PPP6R2: variants seen among roughly 807,000 people sequenced by gnomAD.
PPP6R2 encodes protein phosphatase 6 regulatory subunit 2.
A neutral mutation model predicts 100.2 loss-of-function variants in PPP6R2; 62 were observed. The observed-to-expected ratio is 0.62, with a 90% CI of 0.50 to 0.76. PPP6R2 has a LOEUF of 0.76. PPP6R2 is among the 30% of genes least tolerant of loss of function. The pLI, the probability that PPP6R2 is intolerant of heterozygous loss-of-function variation, is 0.00. For missense variants in PPP6R2, 1,142 were observed against 1,276.3 expected (o/e 0.89, Z 1.60); for synonymous variants, 525 against 514.7 (o/e 1.02, Z -0.27).
intron 7 of PPP6R2, 83 bp downstream of exon 7, chr22:50,419,062 G>C: frequency 1.8e-6 from 2 of 1,111,922 alleles, no homozygotes; most frequent in Non-Finnish European, 2.7e-6. Context: ...TGAGCACCAG[G>C]ATATGTTGCC....
chr22:50,378,662 G>A (rs545015403), intron 2 of PPP6R2, among the ~76,000 whole-genome samples: 12 of 150,634 alleles, frequency 8.0e-5, no homozygotes, highest in African/African-American at 2.9e-4. Context: ...CAATGCAATA[G>A]TTTTAAGAGG....
intron 1 of PPP6R2, among the ~76,000 whole-genome samples, chr22:50,370,896 T>C (rs2050062007): frequency 2.0e-5 from 3 of 152,146 alleles, no homozygotes; most frequent in Admixed American, 1.3e-4. Context: ...CCTCCCAAAG[T>C]GTTGGGATTA....
intron 3 of PPP6R2, among the ~76,000 whole-genome samples, chr22:50,398,890 C>T (rs905946192): frequency 1.8e-4 from 28 of 152,218 alleles, no homozygotes; most frequent in African/African-American, 6.3e-4. Context: ...CTTCCTTCTT[C>T]AGTCTGTCTG....
chr22:50,340,895 T>C (rs2042363836), upstream of PPP6R2, among the ~76,000 whole-genome samples: 1 of 151,818 alleles, frequency 6.6e-6, no homozygotes, highest in African/African-American at 2.4e-5. Flanking sequence ...AGGGAAGATG[T>C]GATGTGACCT....
upstream of PPP6R2, among the ~76,000 whole-genome samples, chr22:50,340,597 T>TGGG (rs1371562158): frequency 9.0e-6 from 1 of 110,718 alleles, no homozygotes; most frequent in African/African-American, 4.6e-5. Context: ...GGTGTGTGTG[T>TGGG]GTGGTGTGTG....
intron 11 of PPP6R2, 34 bp from the exon 12 acceptor site, chr22:50,432,231 C>G (rs954934189): frequency 6.5e-6 from 10 of 1,540,306 alleles, no homozygotes; most frequent in South Asian, 1.2e-5. Context: ...CCTTCAGACC[C>G]TGACTCACGC....
At chr22:50,352,392 T>C (rs1240398933) in intron 1 of PPP6R2, among the ~76,000 whole-genome samples, 1 of 152,206 alleles carries the variant, frequency 6.6e-6, no homozygotes, top group Non-Finnish European at 1.5e-5. Context: ...GGCCTTACTG[T>C]AGACTATTTA....
chr22:50,426,999 C>G (rs1277825112), intron 10 of PPP6R2, among the ~76,000 whole-genome samples: 2 of 151,678 alleles, frequency 1.3e-5, no homozygotes, highest in African/African-American at 2.4e-5. Flanking sequence ...CCATCCTGGC[C>G]AACATAGTGA....
intron 3 of PPP6R2, 21 bp from the exon 4 acceptor site, chr22:50,406,668 G>A (rs1198850454): frequency 6.2e-7 from 1 of 1,606,296 alleles, no homozygotes; most frequent in East Asian, 2.2e-5. Context: ...CACCTCCAGT[G>A]CTTGGACTGT....
At chr22:50,440,089 G>A in intron 21 of PPP6R2, 40 bp downstream of exon 21, 1 of 1,559,712 alleles carries the variant, frequency 6.4e-7, no homozygotes, top group Non-Finnish European at 8.8e-7. Context: ...GCCTTGCCCA[G>A]TTTAAGGCCT....
intron 1 of PPP6R2, among the ~76,000 whole-genome samples, chr22:50,351,502 C>T (rs371610043): frequency 6.6e-6 from 1 of 151,610 alleles, no homozygotes; most frequent in Non-Finnish European, 1.5e-5. Flanking sequence ...ATGGCACCTT[C>T]TTCCAATAGA....
chr22:50,359,364 GC>G (rs1281106714), intron 1 of PPP6R2, among the ~76,000 whole-genome samples: 1 of 151,788 alleles, frequency 6.6e-6, no homozygotes, highest in East Asian at 1.9e-4. Flanking sequence ...GACTACAGGC[GC>G]CCACCACCGC....
chr22:50,439,846 A>G lies in PPP6R2; in HGVS notation c.2274A>G (p.Gln758=), dbSNP rs3197201. The G allele has an allele frequency of 1.5e-3, 2,467 of 1,613,012 alleles. 72 individuals carry two copies. The East Asian group carries it at 0.053, about 35-fold the overall frequency. Residue 758 remains glutamine (Q), a synonymous_variant, in exon 20 of 24, where the codon CAA becomes CAG. Coordinates refer to ENST00000612753, the MANE Select transcript of PPP6R2 (RefSeq NM_001242898.2). ...EKGWAKFTDF[Q]PFCCSESGPR... is the part of the protein sequence containing the mutation. ...GCTGGGCCAAGTTCACTGACTTCCA[A>G]CCTTTCTGCTGGTAACAAATGCGCT...
chr22:50,438,237 G>A lies in PPP6R2; in HGVS notation c.1903G>A (p.Asp635Asn). ...CATCCAGCCCTTTGATGATGATGAG[G>A]ACGAGGACATCTGGGAGGACAGTGA... ...DRIQPFDDDE[D>N]EDIWEDSDTR... The change falls in exon 18 of 24, where the codon GAC becomes AAC. Residue 635 changes from aspartate to asparagine, a missense_variant. This residue lies in a region of PPP6R2 where 550 missense variants were observed against 517.4 expected (regional missense o/e 1.06). Transcript: ENST00000612753. 1.2e-6 allele frequency: 2 copies of A among 1,613,966 alleles called. No homozygotes were observed. The highest frequency in any genetic ancestry group is 1.3e-5 in the African/African-American group (1 of 75,050).
intron 10 of PPP6R2, among the ~76,000 whole-genome samples, chr22:50,430,058 G>A (rs1362236505): frequency 6.6e-6 from 1 of 152,246 alleles, no homozygotes; most frequent in Admixed American, 6.5e-5. Context: ...GGCAGAAGAG[G>A]GTCTGGGACA....
At chr22:50,357,189 C>G (rs1191267450) in intron 1 of PPP6R2, among the ~76,000 whole-genome samples, 4 of 152,106 alleles carry the variant, frequency 2.6e-5, no homozygotes, top group South Asian at 2.1e-4. Flanking sequence ...ATATTAATAT[C>G]TATTCATGCT....
chr22:50,360,672 C>G (rs542736188), intron 1 of PPP6R2, among the ~76,000 whole-genome samples: 1 of 152,290 alleles, frequency 6.6e-6, no homozygotes, highest in African/African-American at 2.4e-5. Context: ...CCCAGGAGAT[C>G]TGTATTTTTA....
chr22:50,373,445 A>G (rs2050747188), intron 2 of PPP6R2, among the ~76,000 whole-genome samples: 1 of 151,530 alleles, frequency 6.6e-6, no homozygotes, highest in Admixed American at 6.6e-5. Context: ...GCATTTCACC[A>G]TGTTAGCCAG....
rs2063152136 is a variant in PPP6R2, at chr22:50,431,576, C to T, written c.1335+194C>T. ...GTGGGTCTTGCAGATCTCATTCCTA[C>T]CTGCCTTCAGCAGGGGTACTGGTGC... On this transcript the variant is annotated intron_variant, in intron 11 of 23. Coordinates refer to ENST00000612753, the MANE Select transcript of PPP6R2 (RefSeq NM_001242898.2). This position sits in a 1 kb window ranked among gnomAD's most constrained non-coding sequence, Gnocchi z 4.8. Among the ~76,000 whole-genome samples the T allele has an allele frequency of 6.6e-6, 1 of 152,200 alleles. No homozygotes were observed. The highest frequency in any genetic ancestry group is 6.5e-5 in the Admixed American group (1 of 15,280).
Sources: allele counts gnomAD v4.1 joint callset (sites outside exome capture counted in the v4.1 genomes callset), GRCh38; gene constraint gnomAD v4.1.1; regional missense constraint gnomAD v4.1.1; non-coding constraint Gnocchi (gnomAD v3.1); transcripts MANE v1.5; gene names NCBI Gene and HGNC (gene_info 2026-07-23, HGNC 2026-07-21).